ATP13A4: variants seen among roughly 807,000 people sequenced by gnomAD.
ATP13A4 encodes the protein probable cation-transporting ATPase 13A4.
ATP13A4 carries 114 observed loss-of-function variants against 142.5 expected under a neutral mutation model. That is an observed-to-expected ratio of 0.80 (90% CI 0.69 to 0.93). The LOEUF is 0.93. ATP13A4 is among the 40% of genes least tolerant of loss of function. The pLI is 0.00. For synonymous variants in ATP13A4, 488 were observed against 514.8 expected, an observed-to-expected ratio of 0.95 and a Z score of 0.70; for missense variants, 1,392 against 1,454.0, an observed-to-expected ratio of 0.96 and a Z score of 0.69.
chr3:193,470,089 T>G (rs1051034747), intron 9 of ATP13A4, among the ~76,000 whole-genome samples: 3 of 152,236 alleles, frequency 2.0e-5, no homozygotes, highest in African/African-American at 4.8e-5. Context: ...ATGGGAACCA[T>G]GATACACCAA....
At chr3:193,586,090 T>C (rs199595896) in intron 1 of ATP13A4, among the ~76,000 whole-genome samples, 1 of 150,834 alleles carries the variant, frequency 6.6e-6, no homozygotes, top group Non-Finnish European at 1.5e-5. Flanking sequence ...TATACACACA[T>C]ACACACACAC....
intron 8 of ATP13A4, among the ~76,000 whole-genome samples, chr3:193,479,519 T>C (rs983983737): frequency 7.2e-5 from 11 of 152,046 alleles, no homozygotes; most frequent in Non-Finnish European, 1.6e-4. Context: ...TCTTTTCTAA[T>C]AGCTGCAAAA....
At chr3:193,447,868 A>G (rs1717044279) in intron 18 of ATP13A4, among the ~76,000 whole-genome samples, 1 of 152,128 alleles carries the variant, frequency 6.6e-6, no homozygotes, top group African/African-American at 2.4e-5. Flanking sequence ...TGCCTGACTC[A>G]TGTCTTCTTG....
At chr3:193,533,649 A>C (rs1412882063) in intron 1 of ATP13A4, among the ~76,000 whole-genome samples, 1 of 152,176 alleles carries the variant, frequency 6.6e-6, no homozygotes, top group Non-Finnish European at 1.5e-5. Context: ...AGTAAGACAG[A>C]AAACTTTAAG....
At chr3:193,457,318 G>C (rs941393925) in intron 15 of ATP13A4, 61 bp downstream of exon 15, 2 of 1,595,648 alleles carry the variant, frequency 1.3e-6, no homozygotes, top group Non-Finnish European at 1.7e-6. Flanking sequence ...CAAAAACTGG[G>C]GGCCAGAAGA....
chr3:193,566,755 C>T (rs955714663), intron 2 of ATP13A4, among the ~76,000 whole-genome samples: 1 of 152,164 alleles, frequency 6.6e-6, no homozygotes, highest in African/African-American at 2.4e-5. Context: ...CTGTCTCTGA[C>T]CCCAAATGTC....
chr3:193,501,272 T>C (rs1433836395), intron 3 of ATP13A4, among the ~76,000 whole-genome samples: 5 of 152,158 alleles, frequency 3.3e-5, no homozygotes, highest in Non-Finnish European at 5.9e-5. Flanking sequence ...CCTCCTTTGT[T>C]TTTGTTTATT....
intron 17 of ATP13A4, 137 bp from the exon 18 acceptor site, chr3:193,448,467 C>CT: frequency 1.8e-6 from 2 of 1,120,660 alleles, no homozygotes; most frequent in Non-Finnish European, 2.6e-6. Flanking sequence ...TCCCAAGTAA[C>CT]TGGGATTATA....
intron 25 of ATP13A4, among the ~76,000 whole-genome samples, chr3:193,431,404 T>C (rs1715962566): frequency 6.6e-6 from 1 of 151,992 alleles, no homozygotes; most frequent in African/African-American, 2.4e-5. Flanking sequence ...GCTGGAGATA[T>C]AAATTTGGGA....
chr3:193,468,528 C>T (rs536927679), intron 9 of ATP13A4, among the ~76,000 whole-genome samples: 3 of 152,156 alleles, frequency 2.0e-5, no homozygotes, highest in African/African-American at 4.8e-5. Context: ...ACAGGCAGAT[C>T]GCTTGAGCCA....
At position 193,457,389 on chromosome 3, in the gene ATP13A4, G is replaced by C. The variant is rs1017649048; in HGVS notation, c.1751C>G (p.Thr584Arg). The stretch of plus-strand genomic sequence containing the variant: ...GCAAGCAGGGCTTACCTGGCTGGCT[G>C]TTCTGCAGGGCTTAACTACCATGGC... ...AHAMVVKPCR[T>R]ASQVPVEGIA... The change falls in exon 15 of 30, where the codon ACA (threonine) becomes AGA (arginine). Residue 584 changes from threonine to arginine, a missense_variant. Thr to Arg is a moderately conservative substitution (Grantham distance 71). Coordinates refer to ENST00000342695, the MANE Select transcript of ATP13A4 (RefSeq NM_032279.4). 1 of 1,614,218 alleles carries C rather than the reference G, an allele frequency of 6.2e-7. No individual in the cohort carries two copies. The highest frequency in any genetic ancestry group is 1.1e-5 in the South Asian group (1 of 91,090).
chr3:193,570,238 A>G (rs938292942), intron 2 of ATP13A4, among the ~76,000 whole-genome samples: 1 of 152,188 alleles, frequency 6.6e-6, no homozygotes, highest in African/African-American at 2.4e-5. Flanking sequence ...GCTTGAGCCC[A>G]GGAGGTCGAG....
chr3:193,491,437 T>A (rs760748898), intron 5 of ATP13A4, 39 bp from the exon 6 acceptor site: 1 of 1,431,214 alleles, frequency 7.0e-7, no homozygotes. Flanking sequence ...TCACAAATAA[T>A]AAAATTAAAA....
chr3:193,522,077 C>A (rs188675659), intron 1 of ATP13A4, among the ~76,000 whole-genome samples: 1 of 152,230 alleles, frequency 6.6e-6, no homozygotes, highest in Non-Finnish European at 1.5e-5. Flanking sequence ...CCACTGCCTA[C>A]GGCCATTTCA....
intron 29 of ATP13A4, among the ~76,000 whole-genome samples, chr3:193,404,825 GA>G (rs1352175296): frequency 1.3e-5 from 2 of 152,020 alleles, no homozygotes; most frequent in Non-Finnish European, 2.9e-5. Context: ...AATACAACTA[GA>G]AAAAAACGAA....
At chr3:193,485,318 G>A (rs966718878) in intron 7 of ATP13A4, among the ~76,000 whole-genome samples, 1 of 151,434 alleles carries the variant, frequency 6.6e-6, no homozygotes, top group African/African-American at 2.5e-5. Flanking sequence ...ACGTACAGGT[G>A]GAGCAGCAGT....
In ATP13A4 at chr3:193,420,314, A is replaced by G. The variant is rs1715343810; in HGVS notation, c.2843-5564T>C. Among the ~76,000 whole-genome samples, 2 of 150,032 alleles carry G rather than the reference A, an allele frequency of 1.3e-5. 1 individual carries two copies. The highest frequency in any genetic ancestry group is 1.4e-4 in the Admixed American group (2 of 14,546). On this transcript the variant is annotated intron_variant, in intron 25 of 29. Transcript: ENST00000342695. The stretch of plus-strand genomic sequence containing the variant: ...ACTTGTACAAAGTCTATACTACTGC[A>G]TCTTCTCGGAATCAGAGTTACCACA...
intron 1 of ATP13A4, among the ~76,000 whole-genome samples, chr3:193,544,247 T>C (rs980198482): frequency 6.6e-6 from 1 of 152,186 alleles, no homozygotes; most frequent in Non-Finnish European, 1.5e-5. Context: ...GGATGAAGGA[T>C]AAAGGCAAAA....
At chr3:193,472,146 C>G (rs1718664906) in intron 8 of ATP13A4, among the ~76,000 whole-genome samples, 1 of 152,186 alleles carries the variant, frequency 6.6e-6, no homozygotes, top group Non-Finnish European at 1.5e-5. Context: ...CCTTTGATCT[C>G]CAGTTGAACT....
Sources: allele counts gnomAD v4.1 joint callset (sites outside exome capture counted in the v4.1 genomes callset), GRCh38; gene constraint gnomAD v4.1.1; transcripts MANE v1.5; gene names NCBI Gene and HGNC (gene_info 2026-07-23, HGNC 2026-07-21).